Variants in AP2B1 observed in about 807,000 individuals in gnomAD.
AP2B1 encodes adaptor related protein complex 2 subunit beta 1, also known as AP-2 complex subunit beta.
AP2B1 carries 23 observed loss-of-function variants against 102.0 expected under a neutral mutation model. The observed-to-expected ratio is 0.23, with a 90% confidence interval of 0.16 to 0.32. The LOEUF (loss-of-function observed/expected upper bound fraction) is 0.32. Among genes scored for constraint, AP2B1 ranks in the 10% least tolerant of loss-of-function variants. The pLI is 1.00. For synonymous variants in AP2B1, 381 were observed against 421.2 expected (o/e 0.90, Z 1.17); for missense variants, 541 against 1,157.4 (o/e 0.47, Z 7.73).
chr17:35,692,764 C>G (rs1396691047), intron 18 of AP2B1, among the ~76,000 whole-genome samples: 4 of 152,112 alleles, frequency 2.6e-5, no homozygotes, highest in Non-Finnish European at 1.5e-5. Flanking sequence ...AAGCTTTGAG[C>G]CATGTGACCA....
chr17:35,672,338 T>TA (rs2075606481), intron 16 of AP2B1, among the ~76,000 whole-genome samples: 1 of 152,222 alleles, frequency 6.6e-6, no homozygotes, highest in Admixed American at 6.5e-5. Flanking sequence ...TGTACCTTTT[T>TA]AGAGTTCCAA....
chr17:35,612,937 C>A (rs962722877), intron 5 of AP2B1, among the ~76,000 whole-genome samples: 1 of 149,238 alleles, frequency 6.7e-6, no homozygotes, highest in African/African-American at 2.5e-5. Flanking sequence ...AAAGTGTTTA[C>A]GTTTGAATAC....
chr17:35,602,521 C>G (rs953610593), intron 3 of AP2B1, among the ~76,000 whole-genome samples: 1 of 152,054 alleles, frequency 6.6e-6, no homozygotes, highest in Non-Finnish European at 1.5e-5. Flanking sequence ...TTCTAATAGC[C>G]ATTTTGAAAA....
chr17:35,647,568 G>T (rs550019127), intron 12 of AP2B1, among the ~76,000 whole-genome samples: 24 of 152,074 alleles, frequency 1.6e-4, no homozygotes, highest in African/African-American at 5.1e-4. Flanking sequence ...TAAATGTAAA[G>T]ATTATCTTGA....
At chr17:35,668,550 T>C (rs2075519480) in intron 14 of AP2B1, among the ~76,000 whole-genome samples, 1 of 152,212 alleles carries the variant, frequency 6.6e-6, no homozygotes, top group Non-Finnish European at 1.5e-5. Flanking sequence ...GACATAGTTA[T>C]TAGTATTCTT....
intron 18 of AP2B1, among the ~76,000 whole-genome samples, chr17:35,707,399 C>T (rs1221410574): frequency 6.6e-6 from 1 of 151,544 alleles, no homozygotes; most frequent in Non-Finnish European, 1.5e-5. Flanking sequence ...GATCTGCCTG[C>T]CTTGGCCTCC....
At chr17:35,675,557 A>G (rs186132432) in intron 17 of AP2B1, among the ~76,000 whole-genome samples, 2 of 151,674 alleles carry the variant, frequency 1.3e-5, no homozygotes, top group Non-Finnish European at 1.5e-5. Context: ...GGCCAAGGCT[A>G]TTGGTGGAAT....
chr17:35,594,204 A>G (rs1019843768), intron 2 of AP2B1, 137 bp downstream of exon 2: 7 of 564,270 alleles, frequency 1.2e-5, no homozygotes, highest in African/African-American at 3.9e-5. Flanking sequence ...TACTACTTCT[A>G]TAGATGAATG....
intron 18 of AP2B1, among the ~76,000 whole-genome samples, chr17:35,684,727 A>C (rs1181662892): frequency 6.6e-6 from 1 of 152,218 alleles, no homozygotes; most frequent in African/African-American, 2.4e-5. Context: ...CCAAATCTAC[A>C]TCTGTTCCCT....
intron 18 of AP2B1, among the ~76,000 whole-genome samples, chr17:35,706,784 G>A (rs1390429129): frequency 6.6e-6 from 1 of 151,868 alleles, no homozygotes; most frequent in East Asian, 1.9e-4. Flanking sequence ...GGGATTACAG[G>A]TGCCCGCCAC....
chr17:35,673,293 C>T (rs2075629904), intron 16 of AP2B1, among the ~76,000 whole-genome samples: 1 of 152,104 alleles, frequency 6.6e-6, no homozygotes, highest in African/African-American at 2.4e-5. Flanking sequence ...TCACTGCAAG[C>T]TCTGCCTCAG....
intron 5 of AP2B1, among the ~76,000 whole-genome samples, chr17:35,619,685 G>A (rs916359285): frequency 6.6e-6 from 1 of 152,108 alleles, no homozygotes; most frequent in African/African-American, 2.4e-5. Flanking sequence ...TCTTTGAGGG[G>A]ATGTGAGGGG....
chr17:35,628,932 T>A (rs2074389697), intron 9 of AP2B1, among the ~76,000 whole-genome samples: 1 of 151,672 alleles, frequency 6.6e-6, no homozygotes, highest in Non-Finnish European at 1.5e-5. Flanking sequence ...TATAGCATCT[T>A]TTTTTTTTCT....
At chr17:35,666,406 A>T (rs550100822) in intron 14 of AP2B1, among the ~76,000 whole-genome samples, 3 of 152,322 alleles carry the variant, frequency 2.0e-5, no homozygotes, top group African/African-American at 7.2e-5. Context: ...TACAGCAATT[A>T]TGGGGGACTA....
At chr17:35,709,743 G>T (rs1555586604) in intron 19 of AP2B1, among the ~76,000 whole-genome samples, 1 of 152,068 alleles carries the variant, frequency 6.6e-6, no homozygotes, top group Non-Finnish European at 1.5e-5. Flanking sequence ...AGTTCATACT[G>T]CCTCAAGCTA....
At chr17:35,616,038 C>T (rs993580391) in intron 5 of AP2B1, among the ~76,000 whole-genome samples, 2 of 149,212 alleles carry the variant, frequency 1.3e-5, no homozygotes, top group Admixed American at 6.7e-5. Context: ...TTTTGTTTTC[C>T]TTTTATAATG....
chr17:35,610,555 G>T (rs975728842), intron 5 of AP2B1, among the ~76,000 whole-genome samples: 12 of 140,528 alleles, frequency 8.5e-5, no homozygotes, highest in African/African-American at 3.2e-4. Flanking sequence ...TTGAAGCCAA[G>T]AGTTTGAGAC....
chr17:35,656,617 C>T (rs1020280749), intron 13 of AP2B1, among the ~76,000 whole-genome samples: 2 of 152,098 alleles, frequency 1.3e-5, no homozygotes, highest in South Asian at 2.1e-4. Context: ...AACTCTTGGC[C>T]GGGTGCGGTG....
At chr17:35,673,281 G>A (rs915587380) in intron 16 of AP2B1, among the ~76,000 whole-genome samples, 3 of 152,022 alleles carry the variant, frequency 2.0e-5, no homozygotes, top group African/African-American at 7.2e-5. Flanking sequence ...CGTGATCTTG[G>A]CTCACTGCAA....
Sources: allele counts gnomAD v4.1 joint callset (sites outside exome capture counted in the v4.1 genomes callset), GRCh38; gene constraint gnomAD v4.1.1; transcripts MANE v1.5; gene names NCBI Gene and HGNC (gene_info 2026-07-23, HGNC 2026-07-21).